Variants in KIF1B observed in about 807,000 individuals in gnomAD.
KIF1B encodes the protein kinesin-like protein KIF1B.
In KIF1B, 76 loss-of-function variants were observed where a neutral mutation model predicts 241.9. That is an observed-to-expected ratio of 0.31 (90% confidence interval 0.26 to 0.38). KIF1B has a LOEUF of 0.38. KIF1B is among the 10% of genes least tolerant of loss of function. The pLI is 1.00. For synonymous variants in KIF1B, 750 were observed against 796.7 expected (o/e 0.94, Z 0.99); for missense variants, 1,622 against 2,271.4 (o/e 0.71, Z 5.81).
intron 2 of KIF1B, among the ~76,000 whole-genome samples, chr1:10,252,231 G>A (rs1256595327): frequency 6.6e-6 from 1 of 151,920 alleles, no homozygotes; most frequent in African/African-American, 2.4e-5. Context: ...GTAGAGACGG[G>A]GTTTCACCAC....
chr1:10,279,091 C>T lies in KIF1B; in HGVS notation c.1181-6C>T, dbSNP rs746077516. On this transcript the variant is annotated splice_polypyrimidine_tract_variant and splice_region_variant and intron_variant, in intron 13 of 48. Transcript: ENST00000676179. ...TTCTCGTATTTTCCCTCCTGCTTAC[C>T]TTCAGTTGATCCATTGATCGATGAT... is the stretch of plus-strand genomic sequence containing the variant. The T allele has an allele frequency of 2.1e-5, 32 of 1,544,918 alleles. No homozygotes were observed. The highest frequency in any genetic ancestry group is 2.6e-5 in the Non-Finnish European group (30 of 1,142,052).
At chr1:10,358,898 T>A (rs1638337882) in intron 38 of KIF1B, among the ~76,000 whole-genome samples, 1 of 152,224 alleles carries the variant, frequency 6.6e-6, no homozygotes, top group African/African-American at 2.4e-5. Context: ...ATCATTTCTG[T>A]TCCTGTTTGG....
chr1:10,307,781 G>A, intron 22 of KIF1B: 1 of 1,037,450 alleles, frequency 9.6e-7, no homozygotes, highest in Non-Finnish European at 1.2e-6. Flanking sequence ...CGACATTAAT[G>A]GGAATATAGA....
At chr1:10,255,244 C>T (rs542641594) in intron 2 of KIF1B, among the ~76,000 whole-genome samples, 1 of 152,242 alleles carries the variant, frequency 6.6e-6, no homozygotes, top group East Asian at 1.9e-4. Context: ...CCACCGCGCC[C>T]AGCTCCATTT....
At chr1:10,288,466 G>A (rs1437993068) in intron 15 of KIF1B, among the ~76,000 whole-genome samples, 8 of 152,238 alleles carry the variant, frequency 5.3e-5, no homozygotes, top group African/African-American at 1.9e-4. Context: ...TGCCATTCAG[G>A]TAGCTGTTTT....
At chr1:10,233,875 C>G (rs1237959724) in intron 2 of KIF1B, among the ~76,000 whole-genome samples, 1 of 152,012 alleles carries the variant, frequency 6.6e-6, no homozygotes, top group African/African-American at 2.4e-5. Flanking sequence ...CTCCTGACCT[C>G]AGGTGATCCA....
intron 17 of KIF1B, 39 bp downstream of exon 17, chr1:10,292,161 A>G: frequency 6.5e-7 from 1 of 1,547,182 alleles, no homozygotes; most frequent in Non-Finnish European, 8.9e-7. Context: ...AGACAGAGAC[A>G]CTTTTTGTTT....
chr1:10,264,280 GT>G (rs1648321503), intron 5 of KIF1B, among the ~76,000 whole-genome samples: 1 of 152,216 alleles, frequency 6.6e-6, no homozygotes, highest in African/African-American at 2.4e-5. Context: ...ATTTAGTGGT[GT>G]ATACCAATTG....
At chr1:10,376,413 C>A (rs576541467) in intron 48 of KIF1B, 132 bp from the exon 49 acceptor site, 2 of 852,234 alleles carry the variant, frequency 2.3e-6, no homozygotes, top group South Asian at 1.3e-5. Flanking sequence ...CCGGAGTAGA[C>A]GGCTTAGAGG....
chr1:10,313,712 G>C (rs902322275), intron 22 of KIF1B, among the ~76,000 whole-genome samples: 3 of 150,298 alleles, frequency 2.0e-5, no homozygotes, highest in African/African-American at 7.5e-5. Context: ...CACCACACCC[G>C]GCTAATTTTT....
Position 10,376,618 on chromosome 1 carries a change from C to A in KIF1B, c.*31C>A, listed in dbSNP as rs746432569. On this transcript the variant is annotated 3_prime_UTR_variant, in exon 49 of 49. Coordinates refer to ENST00000676179, the MANE Select transcript of KIF1B (RefSeq NM_001365951.3). ...TCTGCCGAGTGCCCTCACTCGCCTT[C>A]GAGAGATAAAGAAAGCGTTACCTCT... 2 of 1,606,424 alleles carry A rather than the reference C, an allele frequency of 1.2e-6. No individual in the cohort carries two copies. The highest frequency in any genetic ancestry group is 1.7e-6 in the Non-Finnish European group (2 of 1,173,192).
At position 10,377,685 on chromosome 1, in the gene KIF1B, T is replaced by C. The variant is rs1638924356; in HGVS notation, c.*1098T>C. 5.2e-6 allele frequency: 1 copy of C among 191,042 alleles called. No homozygotes were observed. The highest frequency in any genetic ancestry group is 6.1e-5 in the Admixed American group (1 of 16,284). The allele number at this position is 191,042 out of a possible 1,614,324, so 11.8% of individuals were successfully genotyped here. On this transcript the variant is annotated 3_prime_UTR_variant, in exon 49 of 49. Coordinates refer to ENST00000676179, the MANE Select transcript of KIF1B (RefSeq NM_001365951.3). The stretch of plus-strand genomic sequence containing the variant: ...CGGGCACAGTGGCTCACGCCTGTAA[T>C]CCAAGCACTTGGGGAGGCCGAGGCG...
intron 18 of KIF1B, 21 bp from the exon 19 acceptor site, chr1:10,295,639 A>G (rs766665901): frequency 1.2e-6 from 2 of 1,608,014 alleles, no homozygotes; most frequent in Non-Finnish European, 1.7e-6. Flanking sequence ...TTCCCTGGGA[A>G]ACACTTTCTC....
chr1:10,274,093 C>A (rs1487761820), intron 10 of KIF1B, among the ~76,000 whole-genome samples: 1 of 151,792 alleles, frequency 6.6e-6, no homozygotes, highest in Non-Finnish European at 1.5e-5. Flanking sequence ...CCCGCCACCA[C>A]CCCCGGCTAA....
At chr1:10,306,865 G>A (rs1282848290) in intron 22 of KIF1B, 1 of 1,044,126 alleles carries the variant, frequency 9.6e-7, no homozygotes, top group African/African-American at 1.7e-5. Context: ...ATAACATAGG[G>A]TAGGTCCATA....
chr1:10,310,854 T>G (rs1411168671), intron 22 of KIF1B, among the ~76,000 whole-genome samples: 1 of 151,504 alleles, frequency 6.6e-6, no homozygotes. Flanking sequence ...GTTTAACGGG[T>G]GCCTTTGGGA....
chr1:10,303,397 C>G lies in KIF1B; in HGVS notation c.2115+6151C>G. 6.2e-7 allele frequency: 1 copy of G among 1,614,202 alleles called. No individual in the cohort carries two copies. Among genetic ancestry groups the G allele is most frequent in the East Asian group, 2.2e-5 (1 of 44,886 alleles). ...GGTCACAATCTCAGATCTTAAAATT[C>G]AGGCTGTCAAAGAGATTTGCTATGA... is the stretch of plus-strand genomic sequence containing the variant. On this transcript the variant is annotated intron_variant, in intron 22 of 48. Transcript: ENST00000676179. This position sits in a 1 kb window ranked among gnomAD's most constrained non-coding sequence, Gnocchi z 5.2.
At chr1:10,301,691 G>A (rs562795117) in intron 22 of KIF1B, among the ~76,000 whole-genome samples, 1 of 152,086 alleles carries the variant, frequency 6.6e-6, no homozygotes, top group Admixed American at 6.6e-5. Flanking sequence ...AGAAAGTAAA[G>A]CAATAAAGAA....
intron 1 of KIF1B, among the ~76,000 whole-genome samples, chr1:10,214,476 G>C (rs1297874871): frequency 3.3e-5 from 5 of 150,392 alleles, no homozygotes; most frequent in Admixed American, 3.3e-4. Flanking sequence ...TTTTAGTAGA[G>C]ATGGGGTTTC....
Sources: gnomAD v4.1 joint callset for allele counts (sites outside exome capture counted in the v4.1 genomes callset) on GRCh38, gnomAD v4.1.1 for gene constraint, Gnocchi (gnomAD v3.1) non-coding constraint, MANE v1.5 for transcripts, NCBI Gene and HGNC (gene_info 2026-07-23, HGNC 2026-07-21) for gene names.